Variants in CDK14 observed in about 807,000 individuals in gnomAD.
The protein encoded by CDK14 is cyclin-dependent kinase 14.
In CDK14, 34 loss-of-function variants were observed where a neutral mutation model predicts 60.7. The ratio of observed to expected loss-of-function variants is 0.56; its 90% CI spans 0.43 to 0.75. The LOEUF (loss-of-function observed/expected upper bound fraction) is 0.75. Ranked by LOEUF, CDK14 falls within the 30% of genes least tolerant of loss-of-function variation. The pLI is 0.00. For synonymous variants in CDK14, 197 were observed against 203.7 expected, an observed-to-expected ratio of 0.97 and a Z score of 0.28; for missense variants, 482 against 564.1, an observed-to-expected ratio of 0.85 and a Z score of 1.47.
chr7:91,014,447 A>G (rs1463261999), intron 10 of CDK14, among the ~76,000 whole-genome samples: 1 of 152,192 alleles, frequency 6.6e-6, no homozygotes, highest in Non-Finnish European at 1.5e-5. Context: ...ACATGAGATC[A>G]TGTTTAGAAT....
chr7:90,847,941 G>C (rs1200535740), intron 5 of CDK14, among the ~76,000 whole-genome samples: 1 of 152,114 alleles, frequency 6.6e-6, no homozygotes, highest in Non-Finnish European at 1.5e-5. Context: ...ACCTCAAAGA[G>C]TGTCCAAGTG....
chr7:91,066,243 T>A (rs1267492469), intron 11 of CDK14, among the ~76,000 whole-genome samples: 1 of 152,254 alleles, frequency 6.6e-6, no homozygotes, highest in African/African-American at 2.4e-5. Context: ...TATAAACTAA[T>A]GCTTGTTCCA....
chr7:90,954,630 T>TAGAGGGAAAAAAAAACAGACC (rs770504698), intron 8 of CDK14, among the ~76,000 whole-genome samples: 3 of 18,198 alleles, frequency 1.6e-4, no homozygotes, highest in East Asian at 8.7e-4. Context: ...TTTTTTTTTT[T>TAGAGGGAAAAAAAAACAGACC]TTTTTTTTTT....
At chr7:90,880,028 C>A (rs1201378140) in intron 6 of CDK14, among the ~76,000 whole-genome samples, 1 of 152,200 alleles carries the variant, frequency 6.6e-6, no homozygotes, top group Admixed American at 6.5e-5. Context: ...CTGAAACAAG[C>A]AGATTCTTAC....
chr7:91,087,552 T>C (rs530727726), intron 12 of CDK14, among the ~76,000 whole-genome samples: 64 of 152,328 alleles, frequency 4.2e-4, no homozygotes, highest in African/African-American at 1.5e-3. Context: ...TTGGCAGGAT[T>C]ATTGTTTAAT....
intron 6 of CDK14, among the ~76,000 whole-genome samples, chr7:90,883,210 A>T (rs1328566655): frequency 6.6e-6 from 1 of 152,152 alleles, no homozygotes; most frequent in South Asian, 2.1e-4. Flanking sequence ...CTAGACTAAT[A>T]AAGAAGAAGA....
chr7:91,192,085 C>G (rs11976448), intron 14 of CDK14, among the ~76,000 whole-genome samples: 108 of 152,238 alleles, frequency 7.1e-4, no homozygotes, highest in African/African-American at 2.6e-3. Context: ...TACCACATAA[C>G]CAAAGATAGC....
intron 9 of CDK14, among the ~76,000 whole-genome samples, chr7:90,976,213 C>T (rs940883886): frequency 2.2e-4 from 34 of 152,042 alleles, no homozygotes; most frequent in African/African-American, 7.2e-4. Context: ...TTCTTAATGG[C>T]CATCATAATT....
intron 12 of CDK14, among the ~76,000 whole-genome samples, chr7:91,081,772 A>T (rs1798489575): frequency 6.6e-6 from 1 of 152,170 alleles, no homozygotes; most frequent in Non-Finnish European, 1.5e-5. Flanking sequence ...CCTTTGAAAG[A>T]TATTTTTATT....
At chr7:91,089,194 G>T (rs986178808) in intron 12 of CDK14, among the ~76,000 whole-genome samples, 9 of 152,232 alleles carry the variant, frequency 5.9e-5, no homozygotes, top group African/African-American at 2.2e-4. Flanking sequence ...GTTAGGAAAA[G>T]GCATCAAACC....
chr7:90,693,537 T>C (rs1801597130), intron 2 of CDK14, among the ~76,000 whole-genome samples: 1 of 152,190 alleles, frequency 6.6e-6, no homozygotes, highest in South Asian at 2.1e-4. Context: ...TGTTGGGAAC[T>C]TCCAGGAAAA....
chr7:90,884,062 A>C (rs1422196830), intron 6 of CDK14, among the ~76,000 whole-genome samples: 6 of 152,192 alleles, frequency 3.9e-5, no homozygotes, highest in African/African-American at 1.2e-4. Context: ...ACTCCTATTC[A>C]ATATAGTGTT....
In CDK14 at chr7:91,207,182, T is replaced by C. The variant is rs990383990; in HGVS notation, c.*46T>C. 2.0e-5 allele frequency: 3 copies of C among 151,968 alleles called. No individual in the cohort carries two copies. The highest frequency in any genetic ancestry group is 7.3e-5 in the African/African-American group (3 of 41,310). 9.4% of individuals were successfully genotyped at this position (151,968 alleles called of 1,614,324 possible). On this transcript the variant is annotated 3_prime_UTR_variant, in exon 15 of 15. Coordinates refer to ENST00000380050, the MANE Select transcript of CDK14 (RefSeq NM_001287135.2). ...CCTTCCAGGATTAAGTTGTCATCAT[T>C]CTGGGAAGAAAAAAAAAACATTAAT...
In CDK14 at chr7:90,733,907, T is replaced by C. The variant is rs866432995; in HGVS notation, c.369+7095T>C. ...TGATGCAGTTTCTTCATAGCGTTGA[T>C]GGTCTTTACAATTTGGTATGTTTTT... On this transcript the variant is annotated intron_variant, in intron 3 of 14. Transcript: ENST00000380050. 3.3e-5 allele frequency among the ~76,000 whole-genome samples: 5 copies of C among 152,356 alleles called. No homozygotes were observed. The South Asian group carries it at 1.0e-3, about 32-fold the overall frequency.
At chr7:91,123,638 TGTC>T (rs1481246537) in intron 14 of CDK14, among the ~76,000 whole-genome samples, 10 of 152,056 alleles carry the variant, frequency 6.6e-5, no homozygotes, top group African/African-American at 2.4e-4. Flanking sequence ...CTTAGCTTCC[TGTC>T]TACCCTGGGG....
At chr7:91,189,605 AT>A (rs201640614) in intron 14 of CDK14, among the ~76,000 whole-genome samples, 11 of 151,802 alleles carry the variant, frequency 7.2e-5, no homozygotes, top group South Asian at 4.2e-4. Flanking sequence ...GAGAATCCCA[AT>A]TTTTTTTTCA....
chr7:90,806,774 C>T (rs141187705), intron 5 of CDK14, among the ~76,000 whole-genome samples: 10 of 152,336 alleles, frequency 6.6e-5, no homozygotes, highest in Admixed American at 6.5e-4. Flanking sequence ...CACCCTAATA[C>T]TGTGCTTTTC....
chr7:90,921,324 C>T (rs1793243166), intron 8 of CDK14, among the ~76,000 whole-genome samples: 1 of 152,040 alleles, frequency 6.6e-6, no homozygotes, highest in Admixed American at 6.6e-5. Flanking sequence ...CTGTTTCTTA[C>T]CATAGAAGTT....
At chr7:90,813,576 C>T (rs911299938) in intron 5 of CDK14, among the ~76,000 whole-genome samples, 6 of 151,846 alleles carry the variant, frequency 4.0e-5, no homozygotes, top group Admixed American at 6.6e-5. Context: ...GGCAAAACCC[C>T]GTCTCTACTA....
Sources: gnomAD v4.1 joint callset for allele counts (sites outside exome capture counted in the v4.1 genomes callset) on GRCh38, gnomAD v4.1.1 for gene constraint, MANE v1.5 for transcripts, NCBI Gene and HGNC (gene_info 2026-07-23, HGNC 2026-07-21) for gene names.